KLF15: variants seen among roughly 807,000 people sequenced by gnomAD.
KLF15 encodes the protein KLF transcription factor 15, also known as Krueppel-like factor 15.
In KLF15, 4 loss-of-function variants were observed where a neutral mutation model predicts 24.6. That is an observed-to-expected ratio of 0.16 (90% CI 0.08 to 0.37). The LOEUF is 0.37. KLF15 is among the 10% of genes least tolerant of loss of function. The probability of loss-of-function intolerance (pLI) is 1.00; values close to 1 mark genes in which losing one functional copy is unlikely to be tolerated. For synonymous variants in KLF15, 246 were observed against 236.3 expected, an observed-to-expected ratio of 1.04 and a Z score of -0.37; for missense variants, 496 against 560.6, an observed-to-expected ratio of 0.88 and a Z score of 1.16.
Position 126,342,748 on chromosome 3 carries a change from A to T in KLF15, c.*979T>A, listed in dbSNP as rs1161265830. The T allele has an allele frequency of 2.0e-5, 3 of 152,612 alleles. No individual in the cohort carries two copies. Among genetic ancestry groups the T allele is most frequent in the African/African-American group, 7.2e-5 (3 of 41,444 alleles). The allele number at this position is 152,612 out of a possible 1,614,324, so 9.5% of individuals were successfully genotyped here. ...AGCTTCATAGATTTTTTTAAATTTC[A>T]AATTTACACAAATGTTGATATGTTA... On this transcript the variant is annotated 3_prime_UTR_variant, in exon 3 of 3. Coordinates refer to ENST00000296233, the MANE Select transcript of KLF15 (RefSeq NM_014079.4).
intron 2 of KLF15, among the ~76,000 whole-genome samples, chr3:126,345,700 A>G (rs981175351): frequency 3.9e-5 from 6 of 152,060 alleles, no homozygotes; most frequent in Non-Finnish European, 8.8e-5. Flanking sequence ...CCACCCAGCA[A>G]TTGGTAAGGG....
the KLF15 span, among the ~76,000 whole-genome samples, chr3:126,303,836 T>C: frequency 4.8e-4 from 73 of 152,304 alleles, 1 homozygote; most frequent in Admixed American, 1.6e-3. Flanking sequence ...TCTCTGTGTA[T>C]CACCTTATAT....
the KLF15 span, among the ~76,000 whole-genome samples, chr3:126,305,436 T>C: frequency 6.6e-6 from 1 of 152,120 alleles, no homozygotes; most frequent in Non-Finnish European, 1.5e-5. Flanking sequence ...CAACTCAGGG[T>C]TTCAAATGGC....
chr3:126,356,733 G>A lies in KLF15; in HGVS notation c.-26+504C>T, dbSNP rs2082635321. Among the ~76,000 whole-genome samples the A allele has an allele frequency of 6.6e-6, 1 of 152,058 alleles. No individual in the cohort carries two copies. The highest frequency in any genetic ancestry group is 1.5e-5 in the Non-Finnish European group (1 of 68,006). On this transcript the variant is annotated intron_variant, in intron 1 of 2. Transcript: ENST00000296233. The surrounding 1 kb of genome is among the most constrained non-coding windows in gnomAD (Gnocchi z 4.4). Reference sequence around the variant, plus strand: ...GAAACGTGCGTGGGAAATGAAGAGAGCCGGCTCAGACCCCTTCTAGAGTCC... The same window carrying A: ...GAAACGTGCGTGGGAAATGAAGAGAACCGGCTCAGACCCCTTCTAGAGTCC...
At chr3:126,326,785 A>G in the KLF15 span, among the ~76,000 whole-genome samples, 1 of 152,350 alleles carries the variant, frequency 6.6e-6, no homozygotes, top group Non-Finnish European at 1.5e-5. Context: ...ATTAGTTTAA[A>G]TCAATTAATT....
In KLF15 at chr3:126,352,655, C is replaced by G. The variant is rs752465758; in HGVS notation, c.268G>C (p.Gly90Arg). 2 of 1,599,160 alleles carry G rather than the reference C, an allele frequency of 1.3e-6. No individual in the cohort carries two copies. Among genetic ancestry groups the G allele is most frequent in the Non-Finnish European group, 1.7e-6 (2 of 1,173,364 alleles). The change falls in exon 2 of 3, where the codon GGG becomes CGG. Residue 90 changes from glycine to arginine, a missense_variant. Gly to Arg is a moderately radical substitution (Grantham distance 125). This residue lies in a region of KLF15 where 399 missense variants were observed against 423.1 expected (regional missense o/e 0.94). Transcript: ENST00000296233. ...GCCCCAATGCTACTGCCGCTGCCCC[C>G]GCCACTGCCCAGCGTGGCCTGGGAC... ...LLSQATLGSG[G>R]GSGSSIGASS... is the part of the protein sequence containing the mutation.
At chr3:126,332,148 C>A in the KLF15 span, among the ~76,000 whole-genome samples, 7 of 152,186 alleles carry the variant, frequency 4.6e-5, no homozygotes, top group African/African-American at 1.4e-4. Flanking sequence ...ACAGCAGTAA[C>A]CTCTGCAGAC....
At chr3:126,298,232 G>A in the KLF15 span, among the ~76,000 whole-genome samples, 1 of 149,476 alleles carries the variant, frequency 6.7e-6, no homozygotes, top group Non-Finnish European at 1.5e-5. Context: ...ATGTTTGTTG[G>A]TTGTTTGTAT....
rs2082494542 is a variant in KLF15, at chr3:126,343,165, CCCCCCCCCCCCCCCG to C, written c.*547_*561del. 8.9e-5 allele frequency: 3 copies of C among 33,672 alleles called. No homozygotes were observed. Among genetic ancestry groups the C allele is most frequent in the Non-Finnish European group, 2.0e-4 (2 of 9,924 alleles). 2.1% of individuals were successfully genotyped at this position (33,672 alleles called of 1,614,324 possible). A position where few individuals can be genotyped will look rare whatever the true frequency, so the allele number is the denominator to read the frequency against. ...CGGCCCGGTCCTGCCCCCCCCCCCC[CCCCCCCCCCCCCCCG>C]GCTCCAGGGACCTGCCCACACCCTC... is the stretch of plus-strand genomic sequence containing the variant. On this transcript the variant is annotated 3_prime_UTR_variant, in exon 3 of 3. Coordinates refer to ENST00000296233, the MANE Select transcript of KLF15 (RefSeq NM_014079.4).
At chr3:126,329,116 T>C in the KLF15 span, among the ~76,000 whole-genome samples, 3 of 152,246 alleles carry the variant, frequency 2.0e-5, no homozygotes, top group Non-Finnish European at 4.4e-5. Context: ...TTTATAATTG[T>C]GTGTTTGTGG....
At chr3:126,288,766 A>G in the KLF15 span, 1 of 152,260 alleles carries the variant, frequency 6.6e-6, no homozygotes, top group Non-Finnish European at 1.5e-5. Flanking sequence ...CAAACCTGAC[A>G]ACTTCGGAGG....
the KLF15 span, among the ~76,000 whole-genome samples, chr3:126,323,417 A>AAC: frequency 1.3e-4 from 5 of 38,226 alleles, no homozygotes; most frequent in African/African-American, 5.3e-4. Flanking sequence ...ATATATATAT[A>AAC]TATATATATA....
the KLF15 span, among the ~76,000 whole-genome samples, chr3:126,298,209 A>G: frequency 6.6e-6 from 1 of 151,458 alleles, no homozygotes. Context: ...AGTGTTGTTC[A>G]GCATTTTTTC....
chr3:126,356,873 C>G lies in KLF15; in HGVS notation c.-26+364G>C, dbSNP rs1316984035. ...TCTCCAGCCCCTCCGCCCCCCAACC[C>G]CGGGCTGGCCAGCGCGTCCGCTCTC... is the stretch of plus-strand genomic sequence containing the variant. On this transcript the variant is annotated intron_variant, in intron 1 of 2. Coordinates refer to ENST00000296233, the MANE Select transcript of KLF15 (RefSeq NM_014079.4). This position sits in a 1 kb window ranked among gnomAD's most constrained non-coding sequence, Gnocchi z 4.4. 6.6e-6 allele frequency among the ~76,000 whole-genome samples: 1 copy of G among 152,086 alleles called. No homozygotes were observed. The highest frequency in any genetic ancestry group is 2.1e-4 in the South Asian group (1 of 4,822).
rs1342592419 is a variant in KLF15, at chr3:126,356,863, C to T, written c.-26+374G>A. Among the ~76,000 whole-genome samples the T allele has an allele frequency of 1.3e-5, 2 of 151,876 alleles. No homozygotes were observed. The highest frequency in any genetic ancestry group is 6.6e-5 in the Admixed American group (1 of 15,266). On this transcript the variant is annotated intron_variant, in intron 1 of 2. Coordinates refer to ENST00000296233, the MANE Select transcript of KLF15 (RefSeq NM_014079.4). This position sits in a 1 kb window ranked among gnomAD's most constrained non-coding sequence, Gnocchi z 4.4. Reference sequence around the variant, plus strand: ...AACCCCTCCGTCTCCAGCCCCTCCGCCCCCCAACCCCGGGCTGGCCAGCGC... The same window carrying T: ...AACCCCTCCGTCTCCAGCCCCTCCGTCCCCCAACCCCGGGCTGGCCAGCGC...
chr3:126,308,251 C>G, the KLF15 span, among the ~76,000 whole-genome samples: 1 of 152,178 alleles, frequency 6.6e-6, no homozygotes, highest in Admixed American at 6.5e-5. Context: ...CCAGCACAAC[C>G]CTGATGCAGG....
the KLF15 span, among the ~76,000 whole-genome samples, chr3:126,312,340 A>AT: frequency 1.1e-4 from 17 of 151,934 alleles, no homozygotes; most frequent in Non-Finnish European, 2.4e-4. Flanking sequence ...TGCCCTGTTA[A>AT]TTTTTTGTCT....
intron 1 of KLF15, 135 bp from the exon 2 acceptor site, chr3:126,353,082 C>A (rs925718364): frequency 1.9e-6 from 2 of 1,049,500 alleles, no homozygotes; most frequent in African/African-American, 3.2e-5. Flanking sequence ...TTCCATCCCC[C>A]AGGAGAGCTG....
the KLF15 span, among the ~76,000 whole-genome samples, chr3:126,302,929 C>T: frequency 0.094 from 14,254 of 152,004 alleles, 762 homozygotes; most frequent in South Asian, 0.18. Flanking sequence ...TTTAAATCTG[C>T]CATCTTGCTA....
Sources: gnomAD v4.1 joint callset for allele counts (sites outside exome capture counted in the v4.1 genomes callset) on GRCh38, gnomAD v4.1.1 for gene constraint, gnomAD v4.1.1 regional missense constraint, Gnocchi (gnomAD v3.1) non-coding constraint, MANE v1.5 for transcripts, NCBI Gene and HGNC (gene_info 2026-07-23, HGNC 2026-07-21) for gene names.